Variants in ST3GAL3 observed in about 807,000 individuals in gnomAD.
The protein encoded by ST3GAL3 is CMP-N-acetylneuraminate-beta-1,4-galactoside alpha-2,3-sialyltransferase.
ST3GAL3 carries 21 observed loss-of-function variants against 50.1 expected under a neutral mutation model. That is an observed-to-expected ratio of 0.42 (90% CI 0.30 to 0.60). The LOEUF (loss-of-function observed/expected upper bound fraction) is 0.60, where lower values mean the gene tolerates loss of function less well. Ranked by LOEUF, ST3GAL3 falls within the 20% of genes least tolerant of loss-of-function variation. The pLI is 0.19. For missense variants in ST3GAL3, 353 were observed against 489.4 expected (o/e 0.72, Z 2.63); for synonymous variants, 183 against 190.0 (o/e 0.96, Z 0.30).
chr1:43,923,946 T>C (rs1263869209), intron 11 of ST3GAL3, among the ~76,000 whole-genome samples: 1 of 152,074 alleles, frequency 6.6e-6, no homozygotes, highest in Non-Finnish European at 1.5e-5. Context: ...ATCCCATTCA[T>C]GAGAGCTCTG....
At chr1:43,831,565 C>A (rs1357837258) in intron 4 of ST3GAL3, 7 of 152,232 alleles carry the variant, frequency 4.6e-5, no homozygotes, top group Non-Finnish European at 7.3e-5. Context: ...CTGCCACAAA[C>A]AACAAGTATC....
rs1036385386 is a variant in ST3GAL3 at position 43,861,110 on chromosome 1, C to T, written c.302+22799C>T. On this transcript the variant is annotated intron_variant, in intron 5 of 11. Coordinates refer to ENST00000347631, the MANE Select transcript of ST3GAL3 (RefSeq NM_006279.5). ...ATACAGCTGGGAGCTCCTCTGCCTC[C>T]GTCTGGGCAAGTGAAGAGAGCTTAG... 6.6e-5 allele frequency among the ~76,000 whole-genome samples: 10 copies of T among 152,316 alleles called. No individual in the cohort carries two copies. In the Middle Eastern group the frequency reaches 0.014, roughly 207 times the overall value.
intron 5 of ST3GAL3, chr1:43,879,336 G>A: frequency 4.4e-6 from 2 of 456,192 alleles, no homozygotes; most frequent in South Asian, 3.1e-5. Context: ...TGGAGACAGT[G>A]AGAAGGTTCG....
At chr1:43,908,480 T>C (rs2080202398) in intron 9 of ST3GAL3, among the ~76,000 whole-genome samples, 1 of 152,184 alleles carries the variant, frequency 6.6e-6, no homozygotes, top group Non-Finnish European at 1.5e-5. Flanking sequence ...AAACTCTGGT[T>C]GGGCCCAGCG....
At chr1:43,851,372 AG>A in intron 5 of ST3GAL3, 1 of 1,591,194 alleles carries the variant, frequency 6.3e-7, no homozygotes, top group Non-Finnish European at 8.6e-7. Context: ...CAAAGTTTGC[AG>A]GGGAGCCTGA....
chr1:43,845,064 A>G (rs1574109993), intron 5 of ST3GAL3, among the ~76,000 whole-genome samples: 1 of 151,850 alleles, frequency 6.6e-6, no homozygotes, highest in Admixed American at 6.6e-5. Context: ...GCTCACTGCA[A>G]CCTCCGCCTC....
intron 1 of ST3GAL3, among the ~76,000 whole-genome samples, chr1:43,727,999 A>G (rs1673771929): frequency 6.6e-6 from 1 of 151,144 alleles, no homozygotes; most frequent in Non-Finnish European, 1.5e-5. Context: ...CCAACAGTTC[A>G]TTTTTCAACC....
chr1:43,881,021 T>TC (rs1318358744), intron 5 of ST3GAL3, among the ~76,000 whole-genome samples: 1 of 152,114 alleles, frequency 6.6e-6, no homozygotes, highest in African/African-American at 2.4e-5. Flanking sequence ...CTTTTTTTTT[T>TC]TTCCTTTGAG....
intron 1 of ST3GAL3, among the ~76,000 whole-genome samples, chr1:43,716,103 G>A (rs994760791): frequency 6.6e-6 from 1 of 152,144 alleles, no homozygotes; most frequent in Non-Finnish European, 1.5e-5. Flanking sequence ...TTTTCAAAAT[G>A]CACTCAACAG....
chr1:43,825,026 G>C, intron 4 of ST3GAL3: 1 of 681,462 alleles, frequency 1.5e-6, no homozygotes. Flanking sequence ...GTATGTCTAT[G>C]TGTGATGATT....
At chr1:43,792,052 T>C in intron 2 of ST3GAL3, 50 bp from the exon 3 acceptor site, 1 of 1,613,244 alleles carries the variant, frequency 6.2e-7, no homozygotes, top group Middle Eastern at 1.7e-4. Flanking sequence ...GGAGCTTGCT[T>C]TTTTATTATA....
chr1:43,824,388 G>A (rs544804950), intron 4 of ST3GAL3, among the ~76,000 whole-genome samples: 1 of 151,688 alleles, frequency 6.6e-6, no homozygotes, highest in Non-Finnish European at 1.5e-5. Context: ...GAGGAAAGGG[G>A]TGTGTGTGTG....
In ST3GAL3 at chr1:43,850,576, C is replaced by T. The variant is rs896983920; in HGVS notation, c.302+12265C>T. The T allele has an allele frequency of 4.1e-6, 3 of 735,680 alleles. No individual in the cohort carries two copies. The Admixed American group carries it at 5.4e-5, about 13-fold the overall frequency. 45.6% of individuals were successfully genotyped at this position (735,680 alleles called of 1,614,324 possible). A position where few individuals can be genotyped will look rare whatever the true frequency, so the allele number is the denominator to read the frequency against. The stretch of plus-strand genomic sequence containing the variant: ...CTGGGCCGTAGAGTGTTTCTATCAT[C>T]TGGGCAGGTGTTCTTGTTGCAGGCA... On this transcript the variant is annotated intron_variant, in intron 5 of 11. Transcript: ENST00000347631.
chr1:43,802,181 G>A (rs1190662900), intron 3 of ST3GAL3, among the ~76,000 whole-genome samples: 3 of 152,040 alleles, frequency 2.0e-5, no homozygotes, highest in African/African-American at 4.8e-5. Context: ...GTCTGGGAAG[G>A]CTTCACATAA....
chr1:43,912,478 A>C (rs1027950537), intron 9 of ST3GAL3: 2 of 152,164 alleles, frequency 1.3e-5, no homozygotes, highest in Non-Finnish European at 2.9e-5. Context: ...GAAGATTTTA[A>C]GCCTGAGAAT....
intron 11 of ST3GAL3, chr1:43,921,799 G>A: frequency 2.5e-6 from 1 of 398,828 alleles, no homozygotes; most frequent in Non-Finnish European, 4.4e-6. Context: ...ACTCTGATCT[G>A]TCGGGCTCTG....
intron 3 of ST3GAL3, among the ~76,000 whole-genome samples, chr1:43,812,380 A>G (rs2060662785): frequency 6.6e-6 from 1 of 152,230 alleles, no homozygotes; most frequent in Admixed American, 6.5e-5. Flanking sequence ...CTCTGACGCT[A>G]GAGCCAAGGG....
At chr1:43,891,269 G>A (rs531497732) in intron 5 of ST3GAL3, among the ~76,000 whole-genome samples, 40 of 152,162 alleles carry the variant, frequency 2.6e-4, no homozygotes, top group Non-Finnish European at 4.6e-4. Context: ...GATAATCTGA[G>A]CATCAAAAAA....
chr1:43,761,872 A>C (rs1209206306), intron 2 of ST3GAL3, among the ~76,000 whole-genome samples: 1 of 147,714 alleles, frequency 6.8e-6, no homozygotes, highest in Non-Finnish European at 1.5e-5. Context: ...AATAGCGTGA[A>C]CCCAGGAGGC....
Sources: allele counts gnomAD v4.1 joint callset (sites outside exome capture counted in the v4.1 genomes callset), GRCh38; gene constraint gnomAD v4.1.1; transcripts MANE v1.5; gene names NCBI Gene and HGNC (gene_info 2026-07-23, HGNC 2026-07-21).